Variants in SCAF4 observed in about 807,000 individuals in gnomAD.
SCAF4 encodes SR-related CTD associated factor 4.
A neutral mutation model predicts 129.8 loss-of-function variants in SCAF4; 25 were observed. The ratio of observed to expected loss-of-function variants is 0.19; its 90% CI spans 0.14 to 0.27. The LOEUF is 0.27. Ranked by LOEUF, SCAF4 falls within the 10% of genes least tolerant of loss-of-function variation. SCAF4 has a pLI of 1.00. For synonymous variants in SCAF4, 551 were observed against 497.7 expected (o/e 1.11, Z -1.43); for missense variants, 1,246 against 1,457.1 (o/e 0.86, Z 2.36).
In SCAF4 at chr21:31,685,611, T is replaced by A. The variant is rs574147232; in HGVS notation, c.2166A>T (p.Pro722=). ...GGTTGAATCCTGGGCGCAAAAATGG[T>A]GGAGGAGGAGGGGGAGGAGGAACAC... ...GPGVPPPPPP[P]PFLRPGFNPM... The change falls in exon 17 of 20, where the codon CCA becomes CCT. Residue 722 remains proline, a synonymous_variant. Transcript: ENST00000286835. 2 of 1,613,606 alleles carry A rather than the reference T, an allele frequency of 1.2e-6. No individual in the cohort carries two copies. Among genetic ancestry groups the A allele is most frequent in the African/African-American group, 2.7e-5 (2 of 74,760 alleles).
Position 31,671,663 on chromosome 21 carries a change from C to G in SCAF4, c.3180G>C (p.Glu1060Asp). The G allele has an allele frequency of 6.2e-7, 1 of 1,614,110 alleles. No individual in the cohort carries two copies. The highest frequency in any genetic ancestry group is 2.2e-5 in the East Asian group (1 of 44,880). The change falls in exon 20 of 20, where the codon GAG (glutamate) becomes GAC (aspartate). Residue 1060 changes from glutamate (E) to aspartate (D), a missense_variant. Around this residue, in one of 6 missense-constraint regions of SCAF4, gnomAD observed 339 missense variants for 325.0 expected, o/e 1.04. Transcript: ENST00000286835. ...GAGACTCTCTATCTCTAGAATCTCT[C>G]TCTCTGTCTCGATGCCCACTAGAGC... ...NRRSSGHRDR[E>D]RDSRDRESRR...
intron 1 of SCAF4, among the ~76,000 whole-genome samples, chr21:31,713,213 A>G (rs2050847210): frequency 1.3e-5 from 2 of 152,230 alleles, no homozygotes. Flanking sequence ...AGAGAAGTAT[A>G]TAATGTTGTG....
At chr21:31,700,251 T>C (rs1421168725) in intron 7 of SCAF4, among the ~76,000 whole-genome samples, 1 of 150,158 alleles carries the variant, frequency 6.7e-6, no homozygotes, top group Non-Finnish European at 1.5e-5. Flanking sequence ...ACCTATATAT[T>C]ATTAATACAC....
At chr21:31,721,263 G>A (rs1440322208) in intron 1 of SCAF4, among the ~76,000 whole-genome samples, 2 of 152,000 alleles carry the variant, frequency 1.3e-5, no homozygotes, top group Non-Finnish European at 2.9e-5. Context: ...ATAAAGATTT[G>A]GACTTATTTC....
chr21:31,709,350 C>CAAAAAAAAAAA (rs376581889), intron 1 of SCAF4, among the ~76,000 whole-genome samples: 2 of 117,780 alleles, frequency 1.7e-5, no homozygotes, highest in African/African-American at 6.0e-5. Flanking sequence ...CTGAAACTGT[C>CAAAAAAAAAAA]AAAAAAAAAA....
intron 2 of SCAF4, 21 bp from the exon 3 acceptor site, chr21:31,705,488 A>G (rs572877617): frequency 2.6e-6 from 3 of 1,155,770 alleles, no homozygotes; most frequent in East Asian, 2.5e-5. Flanking sequence ...TTAAGAGAAA[A>G]TTACTGTTCA....
intron 1 of SCAF4, among the ~76,000 whole-genome samples, chr21:31,725,256 A>T (rs2051173595): frequency 6.6e-6 from 1 of 152,048 alleles, no homozygotes; most frequent in South Asian, 2.1e-4. Context: ...CCAAACATTA[A>T]CACTACAGGT....
chr21:31,677,873 C>T (rs1030848039), intron 19 of SCAF4, among the ~76,000 whole-genome samples: 1 of 152,162 alleles, frequency 6.6e-6, no homozygotes, highest in Non-Finnish European at 1.5e-5. Context: ...GTGCTTCAGT[C>T]TCCCCATCTA....
chr21:31,686,352 T>C (rs544418650), intron 16 of SCAF4, among the ~76,000 whole-genome samples: 1 of 152,252 alleles, frequency 6.6e-6, no homozygotes, highest in African/African-American at 2.4e-5. Context: ...TGTTCCATGG[T>C]CCTTTCAGCA....
At position 31,693,564 on chromosome 21, in the gene SCAF4, A is replaced by G; in HGVS notation, c.1323-80T>C. On this transcript the variant is annotated intron_variant, in intron 11 of 19. Transcript: ENST00000286835. ...TATAAGCACATACTAATTAAAACAG[A>G]ACAAAAACTAGGTAATTTAATGTTT... 3 of 886,018 alleles carry G rather than the reference A, an allele frequency of 3.4e-6. No homozygotes were observed. In the South Asian group the frequency reaches 1.2e-4, roughly 36 times the overall value. 54.9% of individuals were successfully genotyped at this position (886,018 alleles called of 1,614,324 possible).
Position 31,703,867 on chromosome 21 carries a change from A to G in SCAF4, c.219T>C (p.Ser73=). 1 of 1,599,860 alleles carries G rather than the reference A, an allele frequency of 6.3e-7. No individual in the cohort carries two copies. Reference sequence around the variant, plus strand: ...CTTTATCAGTTCCAAACTGATGACGAGACTGTCGCACAATTGAGTCAATTA... The same window carrying G: ...CTTTATCAGTTCCAAACTGATGACGGGACTGTCGCACAATTGAGTCAATTA... ...LYVIDSIVRQ[S]RHQFGTDKDV... Residue 73 remains serine (S), a synonymous_variant, in exon 4 of 20, where the codon TCT becomes TCC. Coordinates refer to ENST00000286835, the MANE Select transcript of SCAF4 (RefSeq NM_020706.2).
intron 19 of SCAF4, chr21:31,684,815 A>T (rs2050075499): frequency 9.5e-6 from 5 of 523,968 alleles, no homozygotes; most frequent in Non-Finnish European, 1.7e-5. Context: ...ACAGACAAAC[A>T]TGATTTTGTC....
At chr21:31,681,152 C>A (rs2049985740) in intron 19 of SCAF4, among the ~76,000 whole-genome samples, 1 of 152,198 alleles carries the variant, frequency 6.6e-6, no homozygotes, top group Non-Finnish European at 1.5e-5. Context: ...CTTACAAATA[C>A]TCAACTCTTA....
chr21:31,677,907 C>T (rs1477981200), intron 19 of SCAF4, among the ~76,000 whole-genome samples: 1 of 152,172 alleles, frequency 6.6e-6, no homozygotes, highest in Non-Finnish European at 1.5e-5. Context: ...ACCCTGAGGG[C>T]TGCAAGGGTT....
chr21:31,709,192 G>GT (rs1818080334), intron 1 of SCAF4, among the ~76,000 whole-genome samples: 1 of 151,938 alleles, frequency 6.6e-6, no homozygotes, highest in Non-Finnish European at 1.5e-5. Flanking sequence ...CTGTGGGGGT[G>GT]GGGGGGAGCG....
In SCAF4 at chr21:31,725,602, CAA is replaced by C. The variant is rs773095426; in HGVS notation, c.30+6059_30+6060del. Reference sequence around the variant, plus strand: ...CATACCACCTCAGCACTGCAGTTCTCAAAGAGTAATCCAAGGACCTCTGAGAG... The same window carrying C: ...CATACCACCTCAGCACTGCAGTTCTCAGAGTAATCCAAGGACCTCTGAGAG... On this transcript the variant is annotated intron_variant, in intron 1 of 19. Transcript: ENST00000286835. 8.5e-5 allele frequency among the ~76,000 whole-genome samples: 13 copies of C among 152,298 alleles called. No individual in the cohort carries two copies. The Middle Eastern group carries it at 0.01, about 120-fold the overall frequency.
chr21:31,697,007 T>C (rs767022777), intron 7 of SCAF4, among the ~76,000 whole-genome samples: 110 of 152,188 alleles, frequency 7.2e-4, no homozygotes, highest in Non-Finnish European at 1.3e-3. Context: ...TATTTTCTAT[T>C]GGTGTATTTC....
chr21:31,693,879 T>G (rs890837413), intron 11 of SCAF4, among the ~76,000 whole-genome samples: 21 of 152,180 alleles, frequency 1.4e-4, no homozygotes, highest in Admixed American at 1.4e-3. Context: ...TCTTTCCACT[T>G]TTGCTGGCTG....
intron 1 of SCAF4, chr21:31,707,007 T>C: frequency 6.6e-6 from 2 of 301,776 alleles, no homozygotes; most frequent in South Asian, 5.6e-5. Flanking sequence ...GTTCATCCCA[T>C]TTTTTATGTA....
Sources: allele counts gnomAD v4.1 joint callset (sites outside exome capture counted in the v4.1 genomes callset), GRCh38; gene constraint gnomAD v4.1.1; regional missense constraint gnomAD v4.1.1; transcripts MANE v1.5; gene names NCBI Gene and HGNC (gene_info 2026-07-23, HGNC 2026-07-21).